The following DMBT1 variants were observed in gnomAD, a reference collection of about 807,000 sequenced individuals.
DMBT1 encodes deleted in malignant brain tumors 1.
DMBT1 carries 198 observed loss-of-function variants against 252.9 expected under a neutral mutation model. The ratio of observed to expected loss-of-function variants is 0.78; its 90% CI spans 0.70 to 0.88. The LOEUF (loss-of-function observed/expected upper bound fraction) is 0.88, where lower values mean the gene tolerates loss of function less well. Ranked by LOEUF, DMBT1 falls within the 40% of genes least tolerant of loss-of-function variation. The probability of loss-of-function intolerance (pLI) is 0.00; values close to 1 mark genes in which losing one functional copy is unlikely to be tolerated. For synonymous variants in DMBT1, 990 were observed against 942.7 expected (o/e 1.05, Z -0.92); for missense variants, 2,432 against 2,404.7 (o/e 1.01, Z -0.24).
At chr10:122,631,386 C>T in intron 49 of DMBT1, 105 bp downstream of exon 49, 1 of 1,423,824 alleles carries the variant, frequency 7.0e-7, no homozygotes, top group South Asian at 1.3e-5. Flanking sequence ...AGGAGCTGGT[C>T]ATTGTGTCCT....
At chr10:122,571,087 T>G in intron 4 of DMBT1, 150 bp downstream of exon 4, 1 of 962,928 alleles carries the variant, frequency 1.0e-6, no homozygotes, top group South Asian at 1.5e-5. Flanking sequence ...GCTCTGTGTA[T>G]GTGCAACTCA....
Position 122,643,688 on chromosome 10 carries a change from T to C in DMBT1, c.*290T>C. 1 of 445,766 alleles carries C rather than the reference T, an allele frequency of 2.2e-6. No individual in the cohort carries two copies. Among genetic ancestry groups the C allele is most frequent in the Non-Finnish European group, 4.1e-6 (1 of 244,438 alleles). 27.6% of individuals were successfully genotyped at this position (445,766 alleles called of 1,614,324 possible). ...AATGAAAATGTCAATACTTACTTCTTAGCACTGTTGAGAGGGTTACTTACA... is the reference window on the plus strand; with the variant it reads ...AATGAAAATGTCAATACTTACTTCTCAGCACTGTTGAGAGGGTTACTTACA... On this transcript the variant is annotated 3_prime_UTR_variant, in exon 56 of 56. Transcript: ENST00000338354.
Position 122,640,267 on chromosome 10 carries a change from T to G in DMBT1, c.7170T>G (p.Thr2390=), listed in dbSNP as rs1177986364. The G allele has an allele frequency of 6.2e-7, 1 of 1,614,054 alleles. No individual in the cohort carries two copies. The highest frequency in any genetic ancestry group is 1.3e-5 in the African/African-American group (1 of 75,072). ...TTGACGTGAACATTTCCTTTTATACTTCCTCATCTTTCTTGTATCCTGTGA... is the reference window on the plus strand; with the variant it reads ...TTGACGTGAACATTTCCTTTTATACGTCCTCATCTTTCTTGTATCCTGTGA... ...GNFDVNISFY[T]SSSFLYPVTS... is the part of the protein sequence containing the mutation. Residue 2390 remains threonine (T), a synonymous_variant, in exon 55 of 56, where the codon ACT becomes ACG. Transcript: ENST00000338354.
At chr10:122,567,846 G>A (rs992839344) in intron 2 of DMBT1, among the ~76,000 whole-genome samples, 7 of 152,206 alleles carry the variant, frequency 4.6e-5, no homozygotes, top group African/African-American at 1.7e-4. Flanking sequence ...TGATCCTGAT[G>A]GGACTGGAGA....
At position 122,617,959 on chromosome 10, in the gene DMBT1, C is replaced by T. The variant is rs1035900397; in HGVS notation, c.4892-58C>T. 5.6e-6 allele frequency: 9 copies of T among 1,603,556 alleles called. No individual in the cohort carries two copies. In the African/African-American group the frequency reaches 1.1e-4, roughly 19 times the overall value. On this transcript the variant is annotated intron_variant, in intron 40 of 55. Transcript: ENST00000338354. Reference sequence around the variant, plus strand: ...GGAAGTACCCTGAGTGTGGAACTTGCCTTAGATTGTTGACCTCCTGGTGGG... The same window carrying T: ...GGAAGTACCCTGAGTGTGGAACTTGTCTTAGATTGTTGACCTCCTGGTGGG...
rs202204913 is a variant in DMBT1 at position 122,635,995 on chromosome 10, G to C, written c.6553G>C (p.Glu2185Gln). 32 of 1,613,804 alleles carry C rather than the reference G, an allele frequency of 2.0e-5. No homozygotes were observed. Among genetic ancestry groups the C allele is most frequent in the Non-Finnish European group, 2.5e-5 (30 of 1,179,898 alleles). Reference protein sequence around the residue: ...VTVIFRDVQLEGGCNYDYIEV... With the variant: ...VTVIFRDVQLQGGCNYDYIEV... ...TGGTGTGTCCTCTCTCTGCAGGCTT[G>C]AAGGTGGCTGCAACTATGATTATAT... The change falls in exon 53 of 56, where the codon GAA (glutamate) becomes CAA (glutamine). Residue 2185 changes from glutamate to glutamine, a missense_variant. By Grantham distance (29) the Glu-to-Gln change is conservative (BLOSUM62 2). Coordinates refer to ENST00000338354, the MANE Select transcript of DMBT1 (RefSeq NM_001377530.1).
At chr10:122,630,084 C>A in intron 47 of DMBT1, 91 bp downstream of exon 47, 1 of 1,544,210 alleles carries the variant, frequency 6.5e-7, no homozygotes, top group Admixed American at 1.8e-5. Flanking sequence ...ATGCTTTTCA[C>A]TCTCATGTGC....
intron 52 of DMBT1, among the ~76,000 whole-genome samples, chr10:122,634,972 GTC>G (rs1231124905): frequency 1.3e-5 from 2 of 152,186 alleles, no homozygotes; most frequent in African/African-American, 4.8e-5. Flanking sequence ...GGGCTTTGGA[GTC>G]TCTGCTTTAG....
chr10:122,643,031 A>G, intron 55 of DMBT1, 91 bp from the exon 56 acceptor site: 1 of 1,532,472 alleles, frequency 6.5e-7, no homozygotes, highest in Non-Finnish European at 8.9e-7. Flanking sequence ...GGCAGTGAGG[A>G]CAGGCTGTGG....
In DMBT1 at chr10:122,586,011, C is replaced by T. The variant is rs747767747; in HGVS notation, c.1460-49C>T. Reference sequence around the variant, plus strand: ...TTGAGTGTGGAACATTCCTTAGATTCTTGACCTCATGATAGGGATGGATGA... The same window carrying T: ...TTGAGTGTGGAACATTCCTTAGATTTTTGACCTCATGATAGGGATGGATGA... On this transcript the variant is annotated intron_variant, in intron 15 of 55. Coordinates refer to ENST00000338354, the MANE Select transcript of DMBT1 (RefSeq NM_001377530.1). 4.4e-6 allele frequency: 7 copies of T among 1,585,928 alleles called. 1 individual carries two copies. The South Asian group carries it at 4.6e-5, about 10-fold the overall frequency.
In DMBT1 at chr10:122,579,848, G is replaced by C. The variant is rs1421113613; in HGVS notation, c.950G>C (p.Gly317Ala). 6.2e-7 allele frequency: 1 copy of C among 1,613,644 alleles called. No individual in the cohort carries two copies. ...TACCTGTGGAGCTGCCCCCACAATG[G>C]CTGGCTCACCCACAACTGTGGCCAT... ...ESYLWSCPHN[G>A]WLTHNCGHSE... Residue 317 changes from glycine (G) to alanine (A), a missense_variant, in exon 10 of 56, where the codon GGC (glycine) becomes GCC (alanine). Around this residue, in one of 3 missense-constraint regions of DMBT1, gnomAD observed 1,264 missense variants for 1,082.2 expected, o/e 1.17. Transcript: ENST00000338354.
intron 41 of DMBT1, among the ~76,000 whole-genome samples, 159 bp from the exon 42 acceptor site, chr10:122,619,149 T>C (rs1296295064): frequency 6.6e-6 from 1 of 152,210 alleles, no homozygotes; most frequent in Non-Finnish European, 1.5e-5. Context: ...CCTTATATGG[T>C]GCATCTCTGT....
Position 122,630,312 on chromosome 10 carries a change from T to A in DMBT1, c.5847T>A (p.Ser1949Arg). 1 of 1,614,014 alleles carries A rather than the reference T, an allele frequency of 6.2e-7. No individual in the cohort carries two copies. The highest frequency in any genetic ancestry group is 8.5e-7 in the Non-Finnish European group (1 of 1,179,884). Residue 1949 changes from serine to arginine, a missense_variant, in exon 48 of 56, where the codon AGT becomes AGA. This residue lies in a region of DMBT1 where 1,162 missense variants were observed against 1,169.0 expected (regional missense o/e 0.99). Coordinates refer to ENST00000338354, the MANE Select transcript of DMBT1 (RefSeq NM_001377530.1). ...GATTGGAGGCACACCATAACTGCAG[T>A]TTTGATTATGTTGAAATCTTTGATG... is the stretch of plus-strand genomic sequence containing the variant. ...NLKLEAHHNC[S>R]FDYVEIFDGS...
intron 43 of DMBT1, 41 bp downstream of exon 43, chr10:122,620,332 C>A (rs1384526860): frequency 1.2e-6 from 2 of 1,601,796 alleles, no homozygotes; most frequent in Non-Finnish European, 1.7e-6. Flanking sequence ...TCACTCTCTA[C>A]CTCTGGACAA....
chr10:122,623,501 C>A (rs1297602906), intron 44 of DMBT1, among the ~76,000 whole-genome samples: 2 of 152,186 alleles, frequency 1.3e-5, no homozygotes, highest in Non-Finnish European at 2.9e-5. Flanking sequence ...AGCTGCTGCA[C>A]CAAATTTGCA....
intron 7 of DMBT1, 130 bp from the exon 8 acceptor site, chr10:122,577,681 G>GGCA (rs1225891344): frequency 1.9e-6 from 2 of 1,038,028 alleles, no homozygotes; most frequent in Non-Finnish European, 2.8e-6. Flanking sequence ...GGTGGGCACT[G>GGCA]GCAGGGCCCA....
intron 55 of DMBT1, among the ~76,000 whole-genome samples, chr10:122,640,972 G>A (rs141813069): frequency 6.6e-6 from 1 of 152,192 alleles, no homozygotes; most frequent in African/African-American, 2.4e-5. Context: ...TTGTAAGGCT[G>A]TTGGGAGGAT....
chr10:122,640,386 C>A lies in DMBT1; in HGVS notation c.7289C>A (p.Thr2430Asn), dbSNP rs760310355. 5 of 1,613,918 alleles carry A rather than the reference C, an allele frequency of 3.1e-6. No homozygotes were observed. Among genetic ancestry groups the A allele is most frequent in the Non-Finnish European group, 4.2e-6 (5 of 1,179,914 alleles). Residue 2430 changes from threonine (T) to asparagine (N), a missense_variant, in exon 55 of 56, where the codon ACC (threonine) becomes AAC (asparagine). Thr to Asn is a moderately conservative substitution (Grantham distance 65). Around this residue, in one of 3 missense-constraint regions of DMBT1, gnomAD observed 1,162 missense variants for 1,169.0 expected, o/e 0.99. Transcript: ENST00000338354. Reference protein sequence around the residue: ...SDAVLTLFVDTCVASPYSNDF... With the variant: ...SDAVLTLFVDNCVASPYSNDF... ...GCTGTACTGACCTTGTTTGTGGACA[C>A]CTGCGTGGCATCACCATACTCCAAT...
intron 1 of DMBT1, among the ~76,000 whole-genome samples, chr10:122,562,301 C>T (rs1014113619): frequency 1.3e-5 from 2 of 152,134 alleles, no homozygotes; most frequent in South Asian, 2.1e-4. Context: ...CTGTCACTCT[C>T]CCCCTAGGCT....
Sources: allele counts gnomAD v4.1 joint callset (sites outside exome capture counted in the v4.1 genomes callset), GRCh38; gene constraint gnomAD v4.1.1; regional missense constraint gnomAD v4.1.1; transcripts MANE v1.5; gene names NCBI Gene and HGNC (gene_info 2026-07-23, HGNC 2026-07-21).